Variants in RHPN1 observed in about 807,000 individuals in gnomAD.
RHPN1 encodes the protein rhophilin-1.
A neutral mutation model predicts 74.7 loss-of-function variants in RHPN1; 77 were observed. The observed-to-expected ratio is 1.03, with a 90% confidence interval of 0.86 to 1.25. The LOEUF is 1.25. Ranked by LOEUF, RHPN1 falls within the 50% of genes most tolerant of loss-of-function variation. The pLI is 0.00. For missense variants in RHPN1, 987 were observed against 932.2 expected (o/e 1.06, Z -0.77); for synonymous variants, 444 against 414.5 (o/e 1.07, Z -0.87).
intron 5 of RHPN1, 97 bp downstream of exon 5, chr8:143,378,443 A>G: frequency 1.8e-6 from 2 of 1,090,368 alleles, no homozygotes; most frequent in South Asian, 2.8e-5. Flanking sequence ...AGCTCAGCGT[A>G]GACATCTCGA....
At chr8:143,371,928 A>G (rs1817848054) in intron 1 of RHPN1, among the ~76,000 whole-genome samples, 1 of 152,204 alleles carries the variant, frequency 6.6e-6, no homozygotes, top group Admixed American at 6.5e-5. Context: ...AAAGTGGGGC[A>G]TGGGCCGCCC....
At chr8:143,376,955 T>G (rs1818296469) in intron 3 of RHPN1, among the ~76,000 whole-genome samples, 1 of 151,410 alleles carries the variant, frequency 6.6e-6, no homozygotes, top group Admixed American at 6.6e-5. Flanking sequence ...TGTGCGTGTG[T>G]CTGTGTGCAC....
chr8:143,379,384 G>C lies in RHPN1; in HGVS notation c.821G>C (p.Cys274Ser). ...CCAGACATGAGCGCTGCGTCCCTCT[G>C]CGCACTGGAGCAGCTCATGATGGCC... ...PSPDMSAASL[C>S]ALEQLMMAQA... Residue 274 changes from cysteine to serine, a missense_variant, in exon 8 of 15, where the codon TGC becomes TCC. By Grantham distance (112) the Cys-to-Ser change is moderately radical. Coordinates refer to ENST00000289013, the MANE Select transcript of RHPN1 (RefSeq NM_052924.3). 1 of 1,598,970 alleles carries C rather than the reference G, an allele frequency of 6.3e-7. No individual in the cohort carries two copies. The highest frequency in any genetic ancestry group is 8.5e-7 in the Non-Finnish European group (1 of 1,173,286).
At chr8:143,372,365 C>A (rs999007625) in intron 1 of RHPN1, among the ~76,000 whole-genome samples, 1 of 152,160 alleles carries the variant, frequency 6.6e-6, no homozygotes, top group Non-Finnish European at 1.5e-5. Flanking sequence ...GGCGCCCATG[C>A]CCCTCTCCCA....
At chr8:143,366,058 G>A (rs977953527), upstream of RHPN1, among the ~76,000 whole-genome samples, 1 of 151,602 alleles carries the variant, frequency 6.6e-6, no homozygotes, top group African/African-American at 2.4e-5. Flanking sequence ...CAACACTTTG[G>A]GAGGCCAAGG....
At chr8:143,380,397 A>C (rs554888647) in intron 10 of RHPN1, 192 bp from the exon 11 acceptor site, 4 of 654,880 alleles carry the variant, frequency 6.1e-6, no homozygotes, top group Non-Finnish European at 7.7e-6. Context: ...CACTGGGAGC[A>C]GCTCATCCCT....
At chr8:143,370,651 G>A (rs1434737936) in intron 1 of RHPN1, among the ~76,000 whole-genome samples, 1 of 152,262 alleles carries the variant, frequency 6.6e-6, no homozygotes, top group Admixed American at 6.5e-5. Flanking sequence ...GCTACAGCTG[G>A]AGTCCTGCCA....
rs1185577689 is a variant in RHPN1 at position 143,381,324 on chromosome 8, C to A, written c.1468C>A (p.Pro490Thr). Residue 490 changes from proline to threonine, a missense_variant, in exon 12 of 15, where the codon CCT (proline) becomes ACT (threonine). Physicochemically the swap from Pro to Thr is conservative, Grantham distance 38. Transcript: ENST00000289013. Reference sequence around the variant, plus strand: ...GCCACGCCTGTCCCAGGGGAAGGGGCCTGACATCTTCCATCGGCTGGTGAG... The same window carrying A: ...GCCACGCCTGTCCCAGGGGAAGGGGACTGACATCTTCCATCGGCTGGTGAG... Reference protein sequence around the residue: ...RMPRLSQGKGPDIFHRLGPLS... With the variant: ...RMPRLSQGKGTDIFHRLGPLS... The A allele has an allele frequency of 6.2e-7, 1 of 1,612,006 alleles. No homozygotes were observed. The highest frequency in any genetic ancestry group is 1.7e-5 in the Admixed American group (1 of 59,822).
chr8:143,378,976 C>G lies in RHPN1; in HGVS notation c.649C>G (p.Leu217Val). The change falls in exon 7 of 15, where the codon CTC (leucine) becomes GTC (valine). Residue 217 changes from leucine to valine, a missense_variant. Leu to Val is a conservative substitution (Grantham distance 32). Coordinates refer to ENST00000289013, the MANE Select transcript of RHPN1 (RefSeq NM_052924.3). ...RALAFEKGSV[L>V]FNIGALHTQI... ...CCTGGCCTTCGAGAAGGGCAGCGTT[C>G]TCTTCAACATCGGTGCCCTCCACAC... The G allele has an allele frequency of 6.4e-7, 1 of 1,562,660 alleles. No individual in the cohort carries two copies. Among genetic ancestry groups the G allele is most frequent in the Non-Finnish European group, 8.7e-7 (1 of 1,154,292 alleles).
chr8:143,377,246 C>T (rs919830049), intron 3 of RHPN1, 134 bp from the exon 4 acceptor site: 2 of 654,370 alleles, frequency 3.1e-6, no homozygotes, highest in Non-Finnish European at 5.3e-6. Context: ...GGATGCCCCC[C>T]AGGACACAGG....
Position 143,379,326 on chromosome 8 carries a change from C to A in RHPN1, c.763C>A (p.Leu255Ile), listed in dbSNP as rs181893545. The change falls in exon 8 of 15, where the codon CTC becomes ATC. Residue 255 changes from leucine to isoleucine, a missense_variant. Transcript: ENST00000289013. ...AFQRAAGAFS[L>I]LRENFSHAPS... Reference sequence around the variant, plus strand: ...CCCTCCCTCCGCAGGGGCCTTCAGCCTCCTGAGGGAGAACTTCTCCCATGC... The same window carrying A: ...CCCTCCCTCCGCAGGGGCCTTCAGCATCCTGAGGGAGAACTTCTCCCATGC... The A allele has an allele frequency of 8.8e-6, 14 of 1,592,082 alleles. No individual in the cohort carries two copies. The African/African-American group carries it at 1.6e-4, about 18-fold the overall frequency.
chr8:143,370,181 C>T (rs543052284), intron 1 of RHPN1, among the ~76,000 whole-genome samples: 11 of 152,270 alleles, frequency 7.2e-5, no homozygotes, highest in Admixed American at 2.0e-4. Flanking sequence ...CCGGAGGTGA[C>T]GCTTTTCAGG....
intron 4 of RHPN1, among the ~76,000 whole-genome samples, chr8:143,377,908 T>C (rs1414772549): frequency 6.6e-6 from 1 of 152,212 alleles, no homozygotes; most frequent in Admixed American, 6.5e-5. Context: ...GTGTTCCGTG[T>C]CCGAGTCACT....
intron 7 of RHPN1, 71 bp downstream of exon 7, chr8:143,379,149 A>G: frequency 7.0e-7 from 1 of 1,429,006 alleles, no homozygotes; most frequent in Non-Finnish European, 9.2e-7. Flanking sequence ...TTTGCAGGGC[A>G]GGAGCTGGGG....
chr8:143,375,671 C>A lies in RHPN1; in HGVS notation c.176+3C>A. 1 of 1,602,434 alleles carries A rather than the reference C, an allele frequency of 6.2e-7. No homozygotes were observed. Among genetic ancestry groups the A allele is most frequent in the South Asian group, 1.1e-5 (1 of 89,712 alleles). On this transcript the variant is annotated splice_donor_region_variant and intron_variant, in intron 2 of 14. Transcript: ENST00000289013. ...ACGGGCGCTGAGAACCTCTACAGGT[C>A]AGTGCTTGAGACTGCCCGGCCCCGG...
At chr8:143,372,078 G>A (rs539684994) in intron 1 of RHPN1, among the ~76,000 whole-genome samples, 3 of 152,296 alleles carry the variant, frequency 2.0e-5, no homozygotes, top group East Asian at 3.9e-4. Context: ...GGTGCCTGTG[G>A]GGCTCCAAGG....
chr8:143,375,143 A>G (rs543327953), intron 1 of RHPN1, among the ~76,000 whole-genome samples: 5 of 152,218 alleles, frequency 3.3e-5, no homozygotes, highest in Non-Finnish European at 5.9e-5. Context: ...GGGAGGGGCA[A>G]GGGGGGGATC....
At position 143,382,934 on chromosome 8, in the gene RHPN1, C is replaced by T; in HGVS notation, c.*283C>T. ...TGAGGGCTCCTTACAGGGTGCTCCT[C>T]ACAGCCATCCCATCTGTACCCCCGG... On this transcript the variant is annotated 3_prime_UTR_variant, in exon 15 of 15. Coordinates refer to ENST00000289013, the MANE Select transcript of RHPN1 (RefSeq NM_052924.3). 2.0e-6 allele frequency: 1 copy of T among 488,250 alleles called. No individual in the cohort carries two copies. Among genetic ancestry groups the T allele is most frequent in the South Asian group, 2.5e-5 (1 of 40,550 alleles). 30.2% of individuals were successfully genotyped at this position (488,250 alleles called of 1,614,324 possible). A position where few individuals can be genotyped will look rare whatever the true frequency, so the allele number is the denominator to read the frequency against.
At chr8:143,366,001 CAAAA>C (rs530970414), upstream of RHPN1, among the ~76,000 whole-genome samples, 1 of 74,958 alleles carries the variant, frequency 1.3e-5, no homozygotes, top group Non-Finnish European at 2.9e-5. Context: ...CACCCTGTCT[CAAAA>C]AAAAAAAAAA....
Sources: allele counts gnomAD v4.1 joint callset (sites outside exome capture counted in the v4.1 genomes callset), GRCh38; gene constraint gnomAD v4.1.1; transcripts MANE v1.5; gene names NCBI Gene and HGNC (gene_info 2026-07-23, HGNC 2026-07-21).